The following ZNF69 variants were observed in gnomAD, a reference collection of about 807,000 sequenced individuals.
The protein encoded by ZNF69 is zinc finger protein 69.
A neutral mutation model predicts 50.9 loss-of-function variants in ZNF69; 47 were observed. The observed-to-expected ratio is 0.92, with a 90% CI of 0.73 to 1.18. The LOEUF is 1.18. Ranked by LOEUF, ZNF69 falls within the 50% of genes most tolerant of loss-of-function variation. The probability of loss-of-function intolerance (pLI) is 0.00; values close to 1 mark genes in which losing one functional copy is unlikely to be tolerated. For missense variants in ZNF69, 717 were observed against 675.1 expected (o/e 1.06, Z -0.69); for synonymous variants, 216 against 223.1 (o/e 0.97, Z 0.29).
At chr19:11,979,325 G>A in the ZNF69 span, 1 of 1,590,078 alleles carries the variant, frequency 6.3e-7, no homozygotes, top group Non-Finnish European at 8.6e-7. Flanking sequence ...CACCTTCGAA[G>A]GCATGGTAGG....
rs1317365458 is a variant in ZNF69 at position 11,902,858 on chromosome 19, C to T, written c.64-715C>T. On this transcript the variant is annotated intron_variant, in intron 1 of 3. Transcript: ENST00000429654. Reference sequence around the variant, plus strand: ...CATGACAGATGCTACAGTCCAAAGACCCACAGTCCAAAGAGACATTAGGGA... The same window carrying T: ...CATGACAGATGCTACAGTCCAAAGATCCACAGTCCAAAGAGACATTAGGGA... Among the ~76,000 whole-genome samples the T allele has an allele frequency of 2.0e-5, 3 of 152,024 alleles. No individual in the cohort carries two copies. The East Asian group carries it at 5.8e-4, about 29-fold the overall frequency.
At chr19:11,952,614 TC>T in the ZNF69 span, among the ~76,000 whole-genome samples, 46 of 152,332 alleles carry the variant, frequency 3.0e-4, 2 homozygotes, top group South Asian at 9.3e-3. Context: ...ACTGTCAAAA[TC>T]CAGGCACCAA....
chr19:11,949,274 C>T, the ZNF69 span: 113 of 1,614,088 alleles, frequency 7.0e-5, no homozygotes, highest in African/African-American at 1.3e-3. Context: ...GGAGAGAAAC[C>T]CTATGAGTGT....
chr19:11,933,846 GAAA>G, the ZNF69 span, among the ~76,000 whole-genome samples: 787 of 106,600 alleles, frequency 7.4e-3, 89 homozygotes, highest in African/African-American at 0.028. Context: ...CTCCATCTCA[GAAA>G]AAAAAAAAAA....
At chr19:11,921,771 G>A in the ZNF69 span, among the ~76,000 whole-genome samples, 1 of 152,106 alleles carries the variant, frequency 6.6e-6, no homozygotes, top group African/African-American at 2.4e-5. Flanking sequence ...CCAAAGTGCT[G>A]GGATTACAGG....
chr19:11,918,106 A>G (rs552584587), downstream of ZNF69, among the ~76,000 whole-genome samples: 118 of 152,096 alleles, frequency 7.8e-4, 2 homozygotes, highest in Non-Finnish European at 6.8e-4. Flanking sequence ...TCTTATTGAC[A>G]ATGCTTTTCT....
chr19:11,947,561 A>G, the ZNF69 span: 1 of 1,613,528 alleles, frequency 6.2e-7, no homozygotes, highest in Non-Finnish European at 8.5e-7. Context: ...CCAAAACCCC[A>G]GAAGAAGCTT....
At chr19:11,968,792 G>A in the ZNF69 span, among the ~76,000 whole-genome samples, 2 of 152,144 alleles carry the variant, frequency 1.3e-5, no homozygotes, top group East Asian at 3.9e-4. Context: ...GGCCGAGGCA[G>A]GTGGATGGCT....
the ZNF69 span, among the ~76,000 whole-genome samples, chr19:11,951,563 A>G: frequency 6.6e-6 from 1 of 152,104 alleles, no homozygotes; most frequent in South Asian, 2.1e-4. Context: ...ATTATGCCAA[A>G]AGTTATCTCA....
the ZNF69 span, among the ~76,000 whole-genome samples, chr19:11,945,951 T>G: frequency 6.6e-6 from 1 of 152,104 alleles, no homozygotes; most frequent in African/African-American, 2.4e-5. Flanking sequence ...TGGCTTCGAT[T>G]ATATCAATAG....
chr19:11,899,448 G>C (rs1972197430), intron 1 of ZNF69, among the ~76,000 whole-genome samples: 3 of 152,018 alleles, frequency 2.0e-5, no homozygotes, highest in Admixed American at 2.0e-4. Flanking sequence ...TTTCATTACT[G>C]AGTAACATTC....
the ZNF69 span, among the ~76,000 whole-genome samples, chr19:11,968,234 A>C: frequency 6.6e-6 from 1 of 151,686 alleles, no homozygotes; most frequent in African/African-American, 2.4e-5. Context: ...TAGAAGGCTG[A>C]TGTATGAGGT....
At chr19:11,949,868 C>G in the ZNF69 span, 8 of 1,613,926 alleles carry the variant, frequency 5.0e-6, 1 homozygote, top group African/African-American at 2.7e-5. Flanking sequence ...AGGACTCACA[C>G]TGGAGAGAAA....
downstream of ZNF69, among the ~76,000 whole-genome samples, chr19:11,918,497 T>G (rs1972540368): frequency 6.6e-6 from 1 of 152,226 alleles, no homozygotes; most frequent in Non-Finnish European, 1.5e-5. Flanking sequence ...CGTTTTCTTT[T>G]ATTTTAATTT....
chr19:11,898,133 C>T (rs999656275), intron 1 of ZNF69, among the ~76,000 whole-genome samples: 4 of 152,002 alleles, frequency 2.6e-5, no homozygotes, highest in Non-Finnish European at 5.9e-5. Context: ...TTTATACTTT[C>T]ACAACCTGGG....
In ZNF69 at chr19:11,904,724, T is replaced by A. The variant is rs1459573038; in HGVS notation, c.327T>A (p.Asp109Glu). 2 of 1,613,880 alleles carry A rather than the reference T, an allele frequency of 1.2e-6. No individual in the cohort carries two copies. The highest frequency in any genetic ancestry group is 1.7e-6 in the Non-Finnish European group (2 of 1,179,866). The part of the protein sequence containing the change: ...HCGETFTQVP[D>E]DRLNFQEKKA... ...GAGAAACTTTTACCCAGGTTCCAGA[T>A]GACAGGCTGAACTTCCAGGAGAAGA... Residue 109 changes from aspartate (D) to glutamate (E), a missense_variant, in exon 4 of 4, where the codon GAT becomes GAA. Physicochemically the swap from Asp to Glu is conservative, Grantham distance 45 (BLOSUM62 2). Coordinates refer to ENST00000429654, the MANE Select transcript of ZNF69 (RefSeq NM_001364730.1).
the ZNF69 span, among the ~76,000 whole-genome samples, chr19:11,936,258 G>C: frequency 6.6e-6 from 1 of 152,110 alleles, no homozygotes; most frequent in African/African-American, 2.4e-5. Flanking sequence ...TTGAGGAATC[G>C]CCACACTGTC....
At chr19:11,947,587 T>A in the ZNF69 span, 2 of 1,611,866 alleles carry the variant, frequency 1.2e-6, no homozygotes, top group East Asian at 4.5e-5. Flanking sequence ...AATTTGCATT[T>A]CCAAGAGAAA....
the ZNF69 span, chr19:11,978,949 G>A: frequency 8.0e-4 from 1,295 of 1,614,196 alleles, 22 homozygotes; most frequent in South Asian, 0.014. Context: ...CCTTATCAAT[G>A]TAAGGAATGT....
Sources: allele counts gnomAD v4.1 joint callset (sites outside exome capture counted in the v4.1 genomes callset), GRCh38; gene constraint gnomAD v4.1.1; transcripts MANE v1.5; gene names NCBI Gene and HGNC (gene_info 2026-07-23, HGNC 2026-07-21).